The following CHRDL1 variants were observed in gnomAD, a reference collection of about 807,000 sequenced individuals.
CHRDL1 encodes the protein chordin like 1.
CHRDL1 carries 19 observed loss-of-function variants against 40.9 expected under a neutral mutation model. The ratio of observed to expected loss-of-function variants is 0.46; its 90% confidence interval spans 0.32 to 0.68. CHRDL1 has a LOEUF of 0.68. Among genes scored for constraint, CHRDL1 ranks in the 30% least tolerant of loss-of-function variants. CHRDL1 has a pLI of 0.03. For missense variants in CHRDL1, 329 were observed against 352.1 expected (o/e 0.93, Z 0.53); for synonymous variants, 136 against 123.4 (o/e 1.10, Z -0.68).
At chrX:110,691,971 T>C (rs145711284) in intron 8 of CHRDL1, among the ~76,000 whole-genome samples, 3,305 of 109,531 alleles carry the variant, frequency 0.03, 142 homozygotes, top group African/African-American at 0.11. Flanking sequence ...TTCTAGACAA[T>C]GTGATCAAGT....
At chrX:110,777,364 A>C (rs1398083629) in intron 2 of CHRDL1, among the ~76,000 whole-genome samples, 2 of 111,149 alleles carry the variant, frequency 1.8e-5, no homozygotes, top group Non-Finnish European at 3.8e-5. Context: ...TTAAATATCA[A>C]GGAGTGAAAC....
intron 6 of CHRDL1, among the ~76,000 whole-genome samples, chrX:110,711,562 G>A (rs1230035547): frequency 8.9e-6 from 1 of 112,021 alleles, no homozygotes; most frequent in African/African-American, 3.2e-5. Context: ...TGGTGTTTCT[G>A]CAGAAAATGT....
In CHRDL1 at chrX:110,707,581, G is replaced by A. The variant is rs190389980; in HGVS notation, c.542-6860C>T. On this transcript the variant is annotated intron_variant, in intron 6 of 11. Coordinates refer to ENST00000372042, the MANE Select transcript of CHRDL1 (RefSeq NM_001143981.2). ...TTAATAAATGGTGTTGGGAAAACCT[G>A]GCTAGCCATATGCAGAAAAATGAAA... is the stretch of plus-strand genomic sequence containing the variant. 3.5e-3 allele frequency among the ~76,000 whole-genome samples: 396 copies of A among 112,014 alleles called. 5 individuals carry two copies. Among genetic ancestry groups the A allele is most frequent in the African/African-American group, 0.013 (390 of 30,848 alleles).
intron 6 of CHRDL1, among the ~76,000 whole-genome samples, chrX:110,715,446 T>C (rs1209099000): frequency 4.5e-5 from 5 of 111,718 alleles, no homozygotes; most frequent in African/African-American, 1.6e-4. Flanking sequence ...TTAGGCCATC[T>C]CCTAGCACTC....
chrX:110,738,980 G>T (rs1458888645), intron 4 of CHRDL1, among the ~76,000 whole-genome samples: 1 of 111,229 alleles, frequency 9.0e-6, no homozygotes, highest in Non-Finnish European at 1.9e-5. Context: ...TCTATTTCAC[G>T]TTCCTGCCCC....
At chrX:110,719,431 C>G (rs1465526597) in intron 6 of CHRDL1, among the ~76,000 whole-genome samples, 1 of 111,770 alleles carries the variant, frequency 8.9e-6, no homozygotes, top group Non-Finnish European at 1.9e-5. Context: ...TTGCCCTGCA[C>G]AGTCTTCAAA....
At chrX:110,741,372 A>C (rs1162729324) in intron 4 of CHRDL1, among the ~76,000 whole-genome samples, 1 of 111,707 alleles carries the variant, frequency 9.0e-6, no homozygotes, top group East Asian at 2.8e-4. Flanking sequence ...CCTCAGAATG[A>C]CTCAGTGGAA....
At chrX:110,741,391 A>G (rs772507737) in intron 4 of CHRDL1, among the ~76,000 whole-genome samples, 1 of 111,816 alleles carries the variant, frequency 8.9e-6, no homozygotes, top group African/African-American at 3.3e-5. Flanking sequence ...AAAGTTGCTT[A>G]AGTGCTTGCT....
intron 7 of CHRDL1, among the ~76,000 whole-genome samples, chrX:110,700,124 G>C (rs1177793399): frequency 8.9e-6 from 1 of 112,135 alleles, no homozygotes; most frequent in Admixed American, 9.5e-5. Context: ...TACTTGTGAG[G>C]CTTATTCTGA....
intron 4 of CHRDL1, among the ~76,000 whole-genome samples, chrX:110,735,997 G>T (rs903443095): frequency 4.5e-5 from 5 of 112,184 alleles, no homozygotes; most frequent in Non-Finnish European, 9.4e-5. Flanking sequence ...ATATTATTTT[G>T]TTTGGAAAAC....
rs12011017 is a variant in CHRDL1 at position 110,725,220 on chromosome X, T to C, written c.302-3690A>G. Among the ~76,000 whole-genome samples the C allele has an allele frequency of 8.6e-3, 965 of 111,930 alleles. 6 individuals are homozygous for C. Among genetic ancestry groups the C allele is most frequent in the African/African-American group, 0.03 (918 of 30,718 alleles). On this transcript the variant is annotated intron_variant, in intron 4 of 11. Transcript: ENST00000372042. ...TCTTCTCCCCAAGTGAGGGATGATC[T>C]CATATGTAAGCAGAACTATGATTTC...
Position 110,691,002 on chromosome X carries a change from G to A in CHRDL1, c.779-2199C>T, listed in dbSNP as rs2070263864. ...AGGCAGGAAGATCCTTTGAGCCCAA[G>A]AGTTCAAGACCAGCTGGCAAACAAA... On this transcript the variant is annotated intron_variant, in intron 8 of 11. Transcript: ENST00000372042. Among the ~76,000 whole-genome samples, 7 of 110,498 alleles carry A rather than the reference G, an allele frequency of 6.3e-5. No homozygotes were observed. The South Asian group carries it at 2.8e-3, about 43-fold the overall frequency.
chrX:110,714,302 T>C lies in CHRDL1; in HGVS notation c.541+5533A>G, dbSNP rs556992074. On this transcript the variant is annotated intron_variant, in intron 6 of 11. Transcript: ENST00000372042. ...AAAGACACATGCACGCAAATGTTCA[T>C]TGCAGCAGTATTCACAATTCTGAAG... Among the ~76,000 whole-genome samples, 18 of 111,618 alleles carry C rather than the reference T, an allele frequency of 1.6e-4. No individual in the cohort carries two copies. The South Asian group carries it at 6.5e-3, about 40-fold the overall frequency.
rs1036753200 is a variant in CHRDL1 at position 110,795,807 on chromosome X, G to C, written c.-98C>G. On this transcript the variant is annotated 5_prime_UTR_variant, in exon 1 of 12. Coordinates refer to ENST00000372042, the MANE Select transcript of CHRDL1 (RefSeq NM_001143981.2). Reference sequence around the variant, plus strand: ...GCTCCGAGCTCCCCGGGGCGCTCTCGTCCGAGGTCTGGGGCTGGCAGGTTG... The same window carrying C: ...GCTCCGAGCTCCCCGGGGCGCTCTCCTCCGAGGTCTGGGGCTGGCAGGTTG... 2.7e-5 allele frequency: 3 copies of C among 112,556 alleles called. No homozygotes were observed. The highest frequency in any genetic ancestry group is 5.6e-5 in the Non-Finnish European group (3 of 53,181). The allele number at this position is 112,556 out of a possible 1,213,427, so 9.3% of individuals were successfully genotyped here.
intron 2 of CHRDL1, among the ~76,000 whole-genome samples, chrX:110,783,522 G>A (rs764472727): frequency 3.6e-5 from 4 of 112,071 alleles, no homozygotes; most frequent in African/African-American, 6.5e-5. Context: ...AGAATTTAAT[G>A]AGTTATGCAG....
intron 6 of CHRDL1, among the ~76,000 whole-genome samples, chrX:110,714,413 T>C (rs1405676713): frequency 1.8e-5 from 2 of 112,043 alleles, no homozygotes; most frequent in African/African-American, 3.2e-5. Context: ...TATGCAGCCA[T>C]AAAAATGAAT....
intron 8 of CHRDL1, among the ~76,000 whole-genome samples, chrX:110,689,886 T>A (rs2070207738): frequency 2.9e-5 from 2 of 69,789 alleles, no homozygotes; most frequent in African/African-American, 1.5e-4. Flanking sequence ...TATCTATATA[T>A]CTATATATCT....
chrX:110,740,906 C>T (rs2071348433), intron 4 of CHRDL1, among the ~76,000 whole-genome samples: 1 of 112,371 alleles, frequency 8.9e-6, no homozygotes, highest in East Asian at 2.8e-4. Context: ...CATTTATTTA[C>T]ATACTGCCTA....
chrX:110,756,127 A>G (rs918221218), intron 4 of CHRDL1, among the ~76,000 whole-genome samples: 1 of 112,066 alleles, frequency 8.9e-6, no homozygotes, highest in Non-Finnish European at 1.9e-5. Context: ...TGGCAAAGAG[A>G]ACACATGAGA....
Sources: allele counts gnomAD v4.1 joint callset (sites outside exome capture counted in the v4.1 genomes callset), GRCh38; gene constraint gnomAD v4.1.1; transcripts MANE v1.5; gene names NCBI Gene and HGNC (gene_info 2026-07-23, HGNC 2026-07-21).